The following PCDHGB2 variants were observed in gnomAD, a reference collection of about 807,000 sequenced individuals.
PCDHGB2 encodes the protein protocadherin gamma subfamily B, 2, also known as protocadherin gamma-B2.
PCDHGB2 carries 55 observed loss-of-function variants against 59.3 expected under a neutral mutation model. The observed-to-expected ratio is 0.93, with a 90% confidence interval of 0.75 to 1.16. The LOEUF is 1.16. Ranked by LOEUF, PCDHGB2 falls within the 50% of genes most tolerant of loss-of-function variation. PCDHGB2 has a pLI of 0.00. For missense variants in PCDHGB2, 1,228 were observed against 1,198.5 expected (o/e 1.02, Z -0.36); for synonymous variants, 516 against 512.0 (o/e 1.01, Z -0.11).
At chr5:141,384,809 C>T (rs1780535972) in intron 1 of PCDHGB2, 1 of 1,613,250 alleles carries the variant, frequency 6.2e-7, no homozygotes, top group African/African-American at 1.3e-5. Context: ...GACAGAGATG[C>T]CCTCAAGCAG....
At chr5:141,373,925 G>C (rs1769961983) in intron 1 of PCDHGB2, 11 of 660,560 alleles carry the variant, frequency 1.7e-5, no homozygotes, top group Non-Finnish European at 2.6e-5. Flanking sequence ...CAAATTAGAC[G>C]GGAAAGCAGG....
chr5:141,468,300 G>C (rs2099162063), intron 1 of PCDHGB2, among the ~76,000 whole-genome samples: 1 of 146,430 alleles, frequency 6.8e-6, no homozygotes, highest in Non-Finnish European at 1.5e-5. Flanking sequence ...ACCCCAGCCT[G>C]GGCAACAAGA....
chr5:141,429,760 C>A (rs1036499079), intron 1 of PCDHGB2, among the ~76,000 whole-genome samples: 1 of 152,020 alleles, frequency 6.6e-6, no homozygotes, highest in Non-Finnish European at 1.5e-5. Flanking sequence ...AATTTTTTCC[C>A]TATATTTTGA....
rs761492460 is a variant in PCDHGB2, at chr5:141,389,630, T to C, written c.2421+27074T>C. The C allele has an allele frequency of 9.9e-6, 16 of 1,612,872 alleles. No homozygotes were observed. The Admixed American group carries it at 1.8e-4, about 18-fold the overall frequency. ...ATATGGTGCCGCACGCTGCAGAGCC[T>C]GGCTACTTGGTGACCAAGGTAGTGG... On this transcript the variant is annotated intron_variant, in intron 1 of 3. Coordinates refer to ENST00000522605, the MANE Select transcript of PCDHGB2 (RefSeq NM_018923.3).
At chr5:141,461,924 A>C (rs930104571) in intron 1 of PCDHGB2, among the ~76,000 whole-genome samples, 1 of 152,100 alleles carries the variant, frequency 6.6e-6, no homozygotes, top group East Asian at 1.9e-4. Context: ...CCTGGGTTCC[A>C]GCAATTCTCC....
rs377138746 is a variant in PCDHGB2, at chr5:141,432,481, C to A, written c.2422-62326C>A. Reference sequence around the variant, plus strand: ...CCCTCCCCACGGACGGTTCCACTGGCGTGGAGCTGGCTCCCCGCTCCGCAG... The same window carrying A: ...CCCTCCCCACGGACGGTTCCACTGGAGTGGAGCTGGCTCCCCGCTCCGCAG... On this transcript the variant is annotated intron_variant, in intron 1 of 3. Transcript: ENST00000522605. This position sits in a 1 kb window ranked among gnomAD's most constrained non-coding sequence, Gnocchi z 6.0. 6.2e-7 allele frequency: 1 copy of A among 1,614,080 alleles called. No individual in the cohort carries two copies.
At chr5:141,481,327 T>C (rs2099535776) in intron 1 of PCDHGB2, among the ~76,000 whole-genome samples, 1 of 152,244 alleles carries the variant, frequency 6.6e-6, no homozygotes, top group Non-Finnish European at 1.5e-5. Context: ...CACTAGCCCC[T>C]GGACAACTAT....
At chr5:141,452,897 T>C (rs1447851469) in intron 1 of PCDHGB2, among the ~76,000 whole-genome samples, 1 of 152,230 alleles carries the variant, frequency 6.6e-6, no homozygotes, top group Non-Finnish European at 1.5e-5. Flanking sequence ...CCACTTTTAT[T>C]AGTTGGCATT....
At chr5:141,372,494 A>T in intron 1 of PCDHGB2, 1 of 1,613,974 alleles carries the variant, frequency 6.2e-7, no homozygotes, top group Non-Finnish European at 8.5e-7. Flanking sequence ...CCTTGATCTC[A>T]GTGCTCTTCC....
At chr5:141,419,807 G>A in intron 1 of PCDHGB2, 2 of 1,614,074 alleles carry the variant, frequency 1.2e-6, no homozygotes, top group South Asian at 1.1e-5. Flanking sequence ...AAGAGATGGA[G>A]GACAGCCACC....
chr5:141,471,394 G>A (rs1349459242), intron 1 of PCDHGB2: 1 of 152,056 alleles, frequency 6.6e-6, no homozygotes, highest in Non-Finnish European at 1.5e-5. Context: ...TACAAGTTAC[G>A]TAGCTAGGCT....
At chr5:141,372,524 A>G (rs1768835682) in intron 1 of PCDHGB2, 2 of 1,613,968 alleles carry the variant, frequency 1.2e-6, no homozygotes, top group East Asian at 2.2e-5. Context: ...TGATTCTGGC[A>G]ATCTCCCTGC....
rs374369531 is a variant in PCDHGB2 at position 141,361,548 on chromosome 5, C to G, written c.1413C>G (p.Ile471Met). ...VAENNPPGAS[I>M]AQISASDPDL... ...AGAACAATCCTCCTGGCGCCTCTAT[C>G]GCTCAAATCAGTGCCTCTGACCCTG... Residue 471 changes from isoleucine (I) to methionine (M), a missense_variant, in exon 1 of 4, where the codon ATC becomes ATG. Physicochemically the swap from Ile to Met is conservative, Grantham distance 10. Transcript: ENST00000522605. 3 of 1,613,976 alleles carry G rather than the reference C, an allele frequency of 1.9e-6. No homozygotes were observed. The highest frequency in any genetic ancestry group is 2.5e-6 in the Non-Finnish European group (3 of 1,179,924).
At position 141,491,413 on chromosome 5, in the gene PCDHGB2, G is replaced by A. The variant is rs1193417991; in HGVS notation, c.2422-3394G>A. 5.6e-6 allele frequency: 9 copies of A among 1,613,946 alleles called. No individual in the cohort carries two copies. Among genetic ancestry groups the A allele is most frequent in the Non-Finnish European group, 7.6e-6 (9 of 1,179,986 alleles). On this transcript the variant is annotated intron_variant, in intron 1 of 3. Transcript: ENST00000522605. The surrounding 1 kb of genome is among the most constrained non-coding windows in gnomAD (Gnocchi z 6.9). Reference sequence around the variant, plus strand: ...CCTTCAGGGAAACGCAGACGGGGACGGGGGTGGAGGGCAGTGCTGCAGGCG... The same window carrying A: ...CCTTCAGGGAAACGCAGACGGGGACAGGGGTGGAGGGCAGTGCTGCAGGCG...
intron 1 of PCDHGB2, chr5:141,413,901 C>T (rs375828969): frequency 1.5e-5 from 24 of 1,613,244 alleles, no homozygotes; most frequent in African/African-American, 1.1e-4. Context: ...CAAATGACAA[C>T]GCGCCGGTCT....
chr5:141,414,023 A>G lies in PCDHGB2; in HGVS notation c.2421+51467A>G, dbSNP rs746044242. 5 of 1,612,692 alleles carry G rather than the reference A, an allele frequency of 3.1e-6. No homozygotes were observed. The highest frequency in any genetic ancestry group is 2.2e-5 in the East Asian group (1 of 44,836). ...GAAGGTGCCAATGGAGAAGTGACAT[A>G]TTCATTCCGAAAATTACCTGACACG... On this transcript the variant is annotated intron_variant, in intron 1 of 3. Transcript: ENST00000522605.
At chr5:141,448,893 C>G (rs957997508) in intron 1 of PCDHGB2, among the ~76,000 whole-genome samples, 2 of 151,948 alleles carry the variant, frequency 1.3e-5, no homozygotes, top group Non-Finnish European at 2.9e-5. Flanking sequence ...TGCAGTGAGC[C>G]GAGATCGTGC....
At chr5:141,433,084 T>G in intron 1 of PCDHGB2, 1 of 1,614,184 alleles carries the variant, frequency 6.2e-7, no homozygotes, top group Non-Finnish European at 8.5e-7. Flanking sequence ...AGCCCAACTA[T>G]GCAGACATGC....
intron 1 of PCDHGB2, chr5:141,421,221 G>A (rs746753262): frequency 6.3e-7 from 1 of 1,576,508 alleles, no homozygotes; most frequent in Non-Finnish European, 8.6e-7. Context: ...TCGGCTTAGA[G>A]CCTGCCATGG....
Sources: allele counts gnomAD v4.1 joint callset (sites outside exome capture counted in the v4.1 genomes callset), GRCh38; gene constraint gnomAD v4.1.1; non-coding constraint Gnocchi (gnomAD v3.1); transcripts MANE v1.5; gene names NCBI Gene and HGNC (gene_info 2026-07-23, HGNC 2026-07-21).